PLD2: variants seen among roughly 807,000 people sequenced by gnomAD.
PLD2 encodes the protein choline phosphatase 2.
A neutral mutation model predicts 119.8 loss-of-function variants in PLD2; 101 were observed. The observed-to-expected ratio is 0.84, with a 90% CI of 0.72 to 0.99. PLD2 has a LOEUF of 0.99. PLD2 is among the 50% of genes least tolerant of loss of function. The probability of loss-of-function intolerance (pLI) is 0.00; values close to 1 mark genes in which losing one functional copy is unlikely to be tolerated. For synonymous variants in PLD2, 494 were observed against 482.8 expected, an observed-to-expected ratio of 1.02 and a Z score of -0.30; for missense variants, 1,164 against 1,226.8, an observed-to-expected ratio of 0.95 and a Z score of 0.76.
chr17:4,817,188 C>T lies in PLD2; in HGVS notation c.1744C>T (p.Leu582Phe). The change falls in exon 17 of 25, where the codon CTT (leucine) becomes TTT (phenylalanine). Residue 582 changes from leucine to phenylalanine, a missense_variant. Transcript: ENST00000263088. ...CAAGACTCCCACATACCCCTACCTG[C>T]TTCCCAAGTCTACCAGCACGGCCAA... ...KYKTPTYPYL[L>F]PKSTSTANQL... The T allele has an allele frequency of 6.2e-7, 1 of 1,614,008 alleles. No individual in the cohort carries two copies. Among genetic ancestry groups the T allele is most frequent in the Non-Finnish European group, 8.5e-7 (1 of 1,179,858 alleles).
rs750029305 is a variant in PLD2 at position 4,809,378 on chromosome 17, C to T, written c.555+15C>T. 6.2e-7 allele frequency: 1 copy of T among 1,613,774 alleles called. No individual in the cohort carries two copies. The highest frequency in any genetic ancestry group is 8.5e-7 in the Non-Finnish European group (1 of 1,179,652). ...ACCATGCCATGGTAAGGTCCAGGGG[C>T]CGATTTTAGATGTGGAGCAGGATTA... is the stretch of plus-strand genomic sequence containing the variant. On this transcript the variant is annotated intron_variant, in intron 6 of 24. Coordinates refer to ENST00000263088, the MANE Select transcript of PLD2 (RefSeq NM_002663.5).
Position 4,809,753 on chromosome 17 carries a change from G to C in PLD2, c.677G>C (p.Arg226Pro). The C allele has an allele frequency of 6.2e-7, 1 of 1,614,172 alleles. No individual in the cohort carries two copies. The highest frequency in any genetic ancestry group is 1.1e-5 in the South Asian group (1 of 91,072). ...HRVPGLTCCG[R>P]DQVCYRWSKR... Reference sequence around the variant, plus strand: ...GTTCCTGGCCTCACCTGCTGTGGCCGAGACCAAGTTTGTTATCGCTGGTCC... The same window carrying C: ...GTTCCTGGCCTCACCTGCTGTGGCCCAGACCAAGTTTGTTATCGCTGGTCC... Residue 226 changes from arginine to proline, a missense_variant, in exon 8 of 25, where the codon CGA becomes CCA. Coordinates refer to ENST00000263088, the MANE Select transcript of PLD2 (RefSeq NM_002663.5).
In PLD2 at chr17:4,808,430, G is replaced by A; in HGVS notation, c.383+14G>A. The A allele has an allele frequency of 6.2e-7, 1 of 1,612,144 alleles. No individual in the cohort carries two copies. The highest frequency in any genetic ancestry group is 8.5e-7 in the Non-Finnish European group (1 of 1,178,968). On this transcript the variant is annotated intron_variant, in intron 4 of 24. Transcript: ENST00000263088. The surrounding 1 kb of genome is among the most constrained non-coding windows in gnomAD (Gnocchi z 4.1). ...CCCTCTGGCTCGGTGAGGGCGACCG[G>A]ACTGCTTCCTGTAGAGGGCAGGTGC... is the stretch of plus-strand genomic sequence containing the variant.
Position 4,809,948 on chromosome 17 carries a change from T to A in PLD2, c.779T>A (p.Leu260His). The A allele has an allele frequency of 6.2e-7, 1 of 1,614,154 alleles. No individual in the cohort carries two copies. ...LETGAISFVQ[L>H]FDPGFEVQVG... ...ACAGGTGCCATCTCATTTGTTCAGC[T>A]CTTTGACCCTGGCTTTGAGGTGCAA... Residue 260 changes from leucine to histidine, a missense_variant, in exon 9 of 25, where the codon CTC becomes CAC. Leu to His is a moderately conservative substitution (Grantham distance 99). Coordinates refer to ENST00000263088, the MANE Select transcript of PLD2 (RefSeq NM_002663.5).
chr17:4,811,890 C>T (rs927924430), intron 10 of PLD2, among the ~76,000 whole-genome samples: 4 of 152,038 alleles, frequency 2.6e-5, no homozygotes, highest in East Asian at 1.9e-4. Flanking sequence ...TCATGGCTCA[C>T]GGCAACTTCA....
At chr17:4,816,894 G>A (rs950174724) in intron 15 of PLD2, 43 bp from the exon 16 acceptor site, 16 of 1,587,828 alleles carry the variant, frequency 1.0e-5, no homozygotes, top group South Asian at 7.9e-5. Flanking sequence ...GTCCCAAGGA[G>A]TCCAGCCCTG....
In PLD2 at chr17:4,814,504, G is replaced by A. The variant is rs1469114427; in HGVS notation, c.1094+3G>A. ...GAGATTTTCATCACAGACTGGTGGT[G>A]AGTGGGAAAAGGCCCCAACAACATG... On this transcript the variant is annotated splice_donor_region_variant and intron_variant, in intron 11 of 24. Transcript: ENST00000263088. 3.7e-6 allele frequency: 6 copies of A among 1,613,174 alleles called. No homozygotes were observed. The highest frequency in any genetic ancestry group is 3.4e-6 in the Non-Finnish European group (4 of 1,179,676).
At position 4,818,074 on chromosome 17, in the gene PLD2, A is replaced by G; in HGVS notation, c.1888A>G (p.Ile630Val). The G allele has an allele frequency of 6.2e-7, 1 of 1,613,964 alleles. No individual in the cohort carries two copies. Among genetic ancestry groups the G allele is most frequent in the African/African-American group, 1.3e-5 (1 of 75,058 alleles). The change falls in exon 18 of 25, where the codon ATC (isoleucine) becomes GTC (valine). Residue 630 changes from isoleucine (I) to valine (V), a missense_variant. Ile to Val is a conservative substitution (Grantham distance 29). Coordinates refer to ENST00000263088, the MANE Select transcript of PLD2 (RefSeq NM_002663.5). ...CATCCTCAATGCCTACCTGCACACC[A>G]TCAGGGAGAGCCAGCACTTCCTCTA... ...NSILNAYLHTIRESQHFLYIE... is the reference protein window; with the variant it reads ...NSILNAYLHTVRESQHFLYIE...
chr17:4,808,513 C>A lies in PLD2; in HGVS notation c.383+97C>A. On this transcript the variant is annotated intron_variant, in intron 4 of 24. Coordinates refer to ENST00000263088, the MANE Select transcript of PLD2 (RefSeq NM_002663.5). The surrounding 1 kb of genome is among the most constrained non-coding windows in gnomAD (Gnocchi z 4.1). ...GGGCCACAACCTTTCCTCCCTGCAACTCTGGCCACTGTGCTGCCTCCCCTG... is the reference window on the plus strand; with the variant it reads ...GGGCCACAACCTTTCCTCCCTGCAAATCTGGCCACTGTGCTGCCTCCCCTG... The A allele has an allele frequency of 8.3e-7, 1 of 1,210,964 alleles. No individual in the cohort carries two copies. The highest frequency in any genetic ancestry group is 1.2e-6 in the Non-Finnish European group (1 of 843,404). 75.0% of individuals were successfully genotyped at this position (1,210,964 alleles called of 1,614,324 possible).
chr17:4,807,533 A>C lies in PLD2; in HGVS notation c.-1-239A>C. ...CTGGGTGTTCCCCGGGGCTCTGGTT[A>C]CGGGACGGGGCGGGGGGCGGGGGGC... On this transcript the variant is annotated intron_variant, in intron 1 of 24. Transcript: ENST00000263088. The surrounding 1 kb of genome is among the most constrained non-coding windows in gnomAD (Gnocchi z 5.4). 2 of 334,490 alleles carry C rather than the reference A, an allele frequency of 6.0e-6. No individual in the cohort carries two copies. The highest frequency in any genetic ancestry group is 1.1e-5 in the Non-Finnish European group (2 of 179,970). 20.7% of individuals were successfully genotyped at this position (334,490 alleles called of 1,614,324 possible). A position where few individuals can be genotyped will look rare whatever the true frequency, so the allele number is the denominator to read the frequency against.
chr17:4,812,027 G>A (rs944489146), intron 10 of PLD2, among the ~76,000 whole-genome samples: 2 of 150,814 alleles, frequency 1.3e-5, no homozygotes, highest in Admixed American at 6.6e-5. Flanking sequence ...TTAGACGGGT[G>A]TGGTCTCGAA....
At position 4,807,869 on chromosome 17, in the gene PLD2, G is replaced by C; in HGVS notation, c.97G>C (p.Gly33Arg). Residue 33 changes from glycine to arginine, a missense_variant, in exon 2 of 25, where the codon GGA (glycine) becomes CGA (arginine). Coordinates refer to ENST00000263088, the MANE Select transcript of PLD2 (RefSeq NM_002663.5). The surrounding 1 kb of genome is among the most constrained non-coding windows in gnomAD (Gnocchi z 5.4). ...CGATGAGGTGGACACCCTGAAGGAG[G>C]GAGAGGACCCAGGTACACAGGGAAG... is the stretch of plus-strand genomic sequence containing the variant. ...ESDEVDTLKE[G>R]EDPADRMHPF... The C allele has an allele frequency of 6.2e-7, 1 of 1,613,262 alleles. No homozygotes were observed. Among genetic ancestry groups the C allele is most frequent in the Non-Finnish European group, 8.5e-7 (1 of 1,179,420 alleles).
intron 17 of PLD2, 24 bp from the exon 18 acceptor site, chr17:4,817,978 C>G (rs1907203491): frequency 6.7e-7 from 1 of 1,501,998 alleles, no homozygotes; most frequent in African/African-American, 1.4e-5. Context: ...AGAAATGAAG[C>G]ACATCGCATT....
At position 4,818,829 on chromosome 17, in the gene PLD2, T is replaced by TGCTGGGG. The variant is rs1313355393; in HGVS notation, c.2173+17_2173+23dup. 5 of 1,613,746 alleles carry TGCTGGGG rather than the reference T, an allele frequency of 3.1e-6. No homozygotes were observed. Among genetic ancestry groups the TGCTGGGG allele is most frequent in the South Asian group, 1.1e-5 (1 of 91,076 alleles). Reference sequence around the variant, plus strand: ...GCATCGCCTTAAAGCAGCCAGTGAGTGCTGGGGGCTGGGGGCTCAAGCCCT... The same window carrying TGCTGGGG: ...GCATCGCCTTAAAGCAGCCAGTGAGTGCTGGGGGCTGGGGGCTGGGGGCTCAAGCCCT... On this transcript the variant is annotated splice_region_variant and intron_variant, in intron 21 of 24. Coordinates refer to ENST00000263088, the MANE Select transcript of PLD2 (RefSeq NM_002663.5).
At chr17:4,810,216 A>C (rs552973460) in intron 9 of PLD2, among the ~76,000 whole-genome samples, 187 bp downstream of exon 9, 1 of 152,280 alleles carries the variant, frequency 6.6e-6, no homozygotes, top group South Asian at 2.1e-4. Flanking sequence ...GGGCCCAGAG[A>C]AAGGGGATTA....
chr17:4,813,349 T>C (rs1906659520), intron 10 of PLD2, among the ~76,000 whole-genome samples: 2 of 152,218 alleles, frequency 1.3e-5, no homozygotes. Context: ...GTGTTACTTT[T>C]GTTTCAACAT....
At chr17:4,816,336 T>C (rs941509479) in intron 14 of PLD2, among the ~76,000 whole-genome samples, 12 of 151,358 alleles carry the variant, frequency 7.9e-5, no homozygotes, top group Non-Finnish European at 1.5e-4. Flanking sequence ...TGAGCCGAGA[T>C]TGTGCCATTG....
Position 4,810,019 on chromosome 17 carries a change from A to C in PLD2, c.850A>C (p.Thr284Pro). Residue 284 changes from threonine (T) to proline (P), a missense_variant, in exon 9 of 25, where the codon ACC becomes CCC. By Grantham distance (38) the Thr-to-Pro change is conservative. Transcript: ENST00000263088. ...TEARHGVRID[T>P]SHRSLILKCS... ...GGCACGGCACGGCGTGCGGATCGAT[A>C]CCTCCCACAGGTGAGGCCTCCCTGG... 1.2e-6 allele frequency: 2 copies of C among 1,612,774 alleles called. No homozygotes were observed. The highest frequency in any genetic ancestry group is 3.3e-5 in the Admixed American group (2 of 59,988).
chr17:4,807,701 C>T lies in PLD2; in HGVS notation c.-1-71C>T. 1 of 832,400 alleles carries T rather than the reference C, an allele frequency of 1.2e-6. No individual in the cohort carries two copies. The highest frequency in any genetic ancestry group is 2.0e-6 in the Non-Finnish European group (1 of 502,280). The allele number at this position is 832,400 out of a possible 1,614,324, so 51.6% of individuals were successfully genotyped here. On this transcript the variant is annotated intron_variant, in intron 1 of 24. Coordinates refer to ENST00000263088, the MANE Select transcript of PLD2 (RefSeq NM_002663.5). The surrounding 1 kb of genome is among the most constrained non-coding windows in gnomAD (Gnocchi z 5.4). ...GGAGGATCTGGAAGAGATGGAGGAC[C>T]TGCGGGAGTTAGGATGGGGGGCGGG... is the stretch of plus-strand genomic sequence containing the variant.
Sources: gnomAD v4.1 joint callset for allele counts (sites outside exome capture counted in the v4.1 genomes callset) on GRCh38, gnomAD v4.1.1 for gene constraint, Gnocchi (gnomAD v3.1) non-coding constraint, MANE v1.5 for transcripts, NCBI Gene and HGNC (gene_info 2026-07-23, HGNC 2026-07-21) for gene names.